Variants in EPHB1 observed in about 807,000 individuals in gnomAD.
EPHB1 encodes the protein ephrin type-B receptor 1.
A neutral mutation model predicts 94.4 loss-of-function variants in EPHB1; 30 were observed. That is an observed-to-expected ratio of 0.32 (90% CI 0.24 to 0.43). The LOEUF is 0.43. Ranked by LOEUF, EPHB1 falls within the 20% of genes least tolerant of loss-of-function variation. EPHB1 has a pLI of 1.00. For missense variants in EPHB1, 1,055 were observed against 1,308.3 expected, an observed-to-expected ratio of 0.81 and a Z score of 2.99; for synonymous variants, 522 against 489.1, an observed-to-expected ratio of 1.07 and a Z score of -0.89.
chr3:135,093,852 GAAC>G (rs1334847802), intron 3 of EPHB1, among the ~76,000 whole-genome samples: 2 of 152,030 alleles, frequency 1.3e-5, no homozygotes, highest in East Asian at 3.9e-4. Context: ...AAATCTTTAA[GAAC>G]AATATTTGTT....
At chr3:134,906,438 A>C (rs1415541239) in intron 1 of EPHB1, among the ~76,000 whole-genome samples, 1 of 152,224 alleles carries the variant, frequency 6.6e-6, no homozygotes, top group Non-Finnish European at 1.5e-5. Context: ...GATAGCTGTA[A>C]GAGTTTTTTC....
intron 10 of EPHB1, among the ~76,000 whole-genome samples, chr3:135,181,168 C>T (rs1036373103): frequency 2.0e-5 from 3 of 152,126 alleles, no homozygotes; most frequent in Admixed American, 6.5e-5. Flanking sequence ...CCCATTAGGC[C>T]GCCATCTTCC....
intron 3 of EPHB1, among the ~76,000 whole-genome samples, chr3:135,077,680 G>A (rs1427700683): frequency 6.6e-6 from 1 of 152,226 alleles, no homozygotes; most frequent in Non-Finnish European, 1.5e-5. Flanking sequence ...TAAAGACCCT[G>A]AGATGCATAC....
intron 12 of EPHB1, among the ~76,000 whole-genome samples, chr3:135,230,228 A>G (rs1480466518): frequency 6.6e-6 from 1 of 152,182 alleles, no homozygotes; most frequent in Non-Finnish European, 1.5e-5. Flanking sequence ...CCCCTGTTCC[A>G]TGGTCCTCCA....
chr3:135,003,848 T>C (rs1935284107), intron 3 of EPHB1, among the ~76,000 whole-genome samples: 3 of 152,080 alleles, frequency 2.0e-5, no homozygotes, highest in African/African-American at 7.3e-5. Context: ...TGAGCCTATG[T>C]GTGTCTCTGC....
chr3:135,201,000 A>G (rs930412054), intron 11 of EPHB1, among the ~76,000 whole-genome samples: 2 of 152,170 alleles, frequency 1.3e-5, no homozygotes, highest in African/African-American at 2.4e-5. Context: ...TGGTGGCCTA[A>G]GGTAAGGCAG....
intron 15 of EPHB1, among the ~76,000 whole-genome samples, chr3:135,257,530 GGGGGTCA>G (rs1419207728): frequency 9.9e-5 from 15 of 152,250 alleles, no homozygotes; most frequent in East Asian, 7.7e-4. Flanking sequence ...AGGTTGCTGG[GGGGGTCA>G]GGGGTCAGGG....
chr3:135,253,466 G>C (rs1205055522), intron 15 of EPHB1, among the ~76,000 whole-genome samples: 1 of 151,310 alleles, frequency 6.6e-6, no homozygotes, highest in Non-Finnish European at 1.5e-5. Flanking sequence ...TTATTAAATA[G>C]GGAATCCTTT....
chr3:135,147,623 G>A (rs1941055023), intron 5 of EPHB1, among the ~76,000 whole-genome samples: 1 of 152,160 alleles, frequency 6.6e-6, no homozygotes, highest in South Asian at 2.1e-4. Flanking sequence ...GTATGGAAGG[G>A]CCAAGGAAAA....
chr3:134,956,162 G>A (rs370709328), intron 3 of EPHB1, among the ~76,000 whole-genome samples: 14 of 152,164 alleles, frequency 9.2e-5, no homozygotes, highest in African/African-American at 3.1e-4. Context: ...GAAGCTCGAG[G>A]GCTGCAGTAT....
At chr3:134,953,304 A>G (rs1933110956) in intron 3 of EPHB1, among the ~76,000 whole-genome samples, 1 of 152,178 alleles carries the variant, frequency 6.6e-6, no homozygotes, top group Non-Finnish European at 1.5e-5. Flanking sequence ...GGGCCAGAGC[A>G]CTCACTCAGC....
chr3:135,075,687 G>A (rs755054492), intron 3 of EPHB1, among the ~76,000 whole-genome samples: 33 of 152,184 alleles, frequency 2.2e-4, no homozygotes, highest in Non-Finnish European at 2.8e-4. Flanking sequence ...TAGAAAGAAA[G>A]AAGCAGCTGG....
At chr3:135,039,541 GCAT>G (rs1289907294) in intron 3 of EPHB1, among the ~76,000 whole-genome samples, 1 of 152,254 alleles carries the variant, frequency 6.6e-6, no homozygotes, top group African/African-American at 2.4e-5. Flanking sequence ...GGAGGCTCAG[GCAT>G]GGTGGGCTGC....
chr3:135,119,198 A>G (rs879355000), intron 4 of EPHB1, among the ~76,000 whole-genome samples: 6 of 152,174 alleles, frequency 3.9e-5, no homozygotes, highest in African/African-American at 9.7e-5. Flanking sequence ...GCCTTTTTCT[A>G]TATTTAAAAA....
At chr3:135,112,262 G>T (rs554275030) in intron 4 of EPHB1, among the ~76,000 whole-genome samples, 1 of 152,206 alleles carries the variant, frequency 6.6e-6, no homozygotes, top group Non-Finnish European at 1.5e-5. Flanking sequence ...AAACTCTGAG[G>T]CTGCTGCTGC....
chr3:135,024,258 ACTT>A (rs1269686209), intron 3 of EPHB1, among the ~76,000 whole-genome samples: 1 of 152,190 alleles, frequency 6.6e-6, no homozygotes, highest in Non-Finnish European at 1.5e-5. Context: ...CCTTTGCCCA[ACTT>A]CATCTCAAGA....
intron 1 of EPHB1, among the ~76,000 whole-genome samples, chr3:134,890,048 C>T (rs984348002): frequency 6.6e-6 from 1 of 152,162 alleles, no homozygotes; most frequent in African/African-American, 2.4e-5. Context: ...ACCTATCTAC[C>T]TACCACCCAG....
rs1395132349 is a variant in EPHB1 at position 135,027,070 on chromosome 3, C to T, written c.805+75018C>T. Among the ~76,000 whole-genome samples the T allele has an allele frequency of 3.1e-3, 442 of 144,758 alleles. 3 individuals are homozygous for T. The highest frequency in any genetic ancestry group is 0.01 in the African/African-American group (406 of 38,762). 95.0% of individuals were successfully genotyped at this position (144,758 alleles called of 152,430 possible). A position where few individuals can be genotyped will look rare whatever the true frequency, so the allele number is the denominator to read the frequency against. On this transcript the variant is annotated intron_variant, in intron 3 of 15. Transcript: ENST00000398015. The stretch of plus-strand genomic sequence containing the variant: ...GATTTTTGCACATTGATTTTGTATC[C>T]TGAGACTTTGCTGAAGTTGCTTATC...
chr3:135,118,925 G>A lies in EPHB1; in HGVS notation c.961+12322G>A, dbSNP rs144401082. 2.0e-5 allele frequency among the ~76,000 whole-genome samples: 3 copies of A among 152,266 alleles called. No individual in the cohort carries two copies. In the East Asian group the frequency reaches 5.8e-4, roughly 29 times the overall value. ...ATTCACCTAGAAATAGAATTGCTGG[G>A]CTACGGGGTGCATGCACTTAGAACC... On this transcript the variant is annotated intron_variant, in intron 4 of 15. Coordinates refer to ENST00000398015, the MANE Select transcript of EPHB1 (RefSeq NM_004441.5).
Sources: gnomAD v4.1 joint callset for allele counts (sites outside exome capture counted in the v4.1 genomes callset) on GRCh38, gnomAD v4.1.1 for gene constraint, MANE v1.5 for transcripts, NCBI Gene and HGNC (gene_info 2026-07-23, HGNC 2026-07-21) for gene names.